Variants in COL24A1 observed in about 807,000 individuals in gnomAD.
COL24A1 encodes collagen type XXIV alpha 1 chain.
In COL24A1, 224 loss-of-function variants were observed where a neutral mutation model predicts 253.9. That is an observed-to-expected ratio of 0.88 (90% CI 0.79 to 0.99). COL24A1 has a LOEUF of 0.99. COL24A1 is among the 50% of genes least tolerant of loss of function. The probability of loss-of-function intolerance (pLI) is 0.00; values close to 1 mark genes in which losing one functional copy is unlikely to be tolerated. For missense variants in COL24A1, 2,131 were observed against 2,068.5 expected (o/e 1.03, Z -0.59); for synonymous variants, 685 against 673.7 (o/e 1.02, Z -0.26).
At chr1:86,112,770 C>T (rs11161738) in intron 4 of COL24A1, 150 bp from the exon 5 acceptor site, 93,711 of 563,852 alleles carry the variant, frequency 0.17, 8,850 homozygotes, top group South Asian at 0.24. Context: ...CTACTTACTT[C>T]AGCTTATGCC....
chr1:86,104,601 G>C (rs1704771334), intron 5 of COL24A1, among the ~76,000 whole-genome samples: 1 of 152,100 alleles, frequency 6.6e-6, no homozygotes, highest in African/African-American at 2.4e-5. Context: ...GTGATATAAG[G>C]CTGGCTCAGT....
chr1:85,798,286 C>T (rs1338044773), intron 47 of COL24A1, among the ~76,000 whole-genome samples: 1 of 151,134 alleles, frequency 6.6e-6, no homozygotes, highest in Admixed American at 6.6e-5. Context: ...GCAGATATTT[C>T]GTTTTGTTGC....
At chr1:86,043,257 C>T (rs1211206533) in intron 12 of COL24A1, among the ~76,000 whole-genome samples, 2 of 151,924 alleles carry the variant, frequency 1.3e-5, no homozygotes, top group African/African-American at 4.8e-5. Flanking sequence ...TATCGCTCTA[C>T]CTAAAATGTA....
chr1:86,075,852 G>T (rs1243028199), intron 7 of COL24A1, among the ~76,000 whole-genome samples: 1 of 152,052 alleles, frequency 6.6e-6, no homozygotes, highest in Non-Finnish European at 1.5e-5. Context: ...AGCCCTTCAT[G>T]CTAAAAACTC....
chr1:85,870,386 G>T (rs1480528471), intron 35 of COL24A1, among the ~76,000 whole-genome samples: 1 of 152,176 alleles, frequency 6.6e-6, no homozygotes, highest in African/African-American at 2.4e-5. Flanking sequence ...CAAATCAACA[G>T]AATATACATT....
intron 14 of COL24A1, among the ~76,000 whole-genome samples, chr1:86,029,640 G>A (rs77928364): frequency 0.085 from 12,543 of 146,912 alleles, 669 homozygotes; most frequent in Middle Eastern, 0.18. Flanking sequence ...TAGAGAGATG[G>A]GGTCTTGCTT....
chr1:86,023,177 A>G (rs541164029), intron 14 of COL24A1, among the ~76,000 whole-genome samples, 170 bp from the exon 15 acceptor site: 1 of 152,282 alleles, frequency 6.6e-6, no homozygotes, highest in East Asian at 1.9e-4. Context: ...AATCATACCA[A>G]TATTTCAAAC....
chr1:85,808,301 C>T (rs1273924422), intron 47 of COL24A1, among the ~76,000 whole-genome samples: 1 of 152,140 alleles, frequency 6.6e-6, no homozygotes, highest in African/African-American at 2.4e-5. Flanking sequence ...GAGCAAACAA[C>T]AAATAAACCT....
At chr1:85,815,476 G>T (rs1672967531) in intron 47 of COL24A1, among the ~76,000 whole-genome samples, 1 of 152,070 alleles carries the variant, frequency 6.6e-6, no homozygotes, top group African/African-American at 2.4e-5. Flanking sequence ...ATGCCATGAG[G>T]CTCTGATATG....
rs546424200 is a variant in COL24A1, at chr1:85,939,031, T to G, written c.2562+22218A>C. 1.1e-3 allele frequency among the ~76,000 whole-genome samples: 163 copies of G among 152,240 alleles called. 1 individual carries two copies. Among genetic ancestry groups the G allele is most frequent in the African/African-American group, 3.7e-3 (152 of 41,540 alleles). On this transcript the variant is annotated intron_variant, in intron 24 of 59. Transcript: ENST00000370571. ...CTGTAGCGAAATGCCATCTCAGCAG[T>G]TTGCCTCTAGAAAATCCAATGTGTG...
intron 47 of COL24A1, among the ~76,000 whole-genome samples, chr1:85,811,294 C>T (rs956460416): frequency 2.0e-5 from 3 of 152,124 alleles, no homozygotes; most frequent in African/African-American, 7.2e-5. Flanking sequence ...TGTAAAAATA[C>T]CTTTAATGAT....
chr1:85,922,795 A>G (rs2103021159), intron 24 of COL24A1, among the ~76,000 whole-genome samples: 1 of 152,332 alleles, frequency 6.6e-6, no homozygotes, highest in African/African-American at 2.4e-5. Flanking sequence ...TCATAATGAC[A>G]GGATCAAATT....
chr1:85,992,940 G>A (rs2390007), intron 19 of COL24A1, among the ~76,000 whole-genome samples: 70,497 of 151,520 alleles, frequency 0.47, 16,732 homozygotes, highest in East Asian at 0.6. Flanking sequence ...AAAATAGTAT[G>A]TGAAAATATG....
intron 19 of COL24A1, among the ~76,000 whole-genome samples, chr1:85,993,169 T>G (rs181630173): frequency 5.9e-5 from 9 of 152,256 alleles, no homozygotes; most frequent in Admixed American, 1.3e-4. Context: ...TCATTCTTAT[T>G]TGGCAGTAGC....
chr1:85,983,455 G>C (rs759013912), intron 20 of COL24A1, among the ~76,000 whole-genome samples: 1 of 151,872 alleles, frequency 6.6e-6, no homozygotes, highest in African/African-American at 2.4e-5. Context: ...GAGGTTTTTA[G>C]TGAACTGGCA....
At chr1:86,101,937 G>A (rs910097462) in intron 5 of COL24A1, among the ~76,000 whole-genome samples, 4 of 151,876 alleles carry the variant, frequency 2.6e-5, no homozygotes, top group African/African-American at 7.3e-5. Context: ...CAAATTTTTG[G>A]AATAGTTTCA....
chr1:85,839,008 T>G (rs757489635), intron 42 of COL24A1, among the ~76,000 whole-genome samples: 22 of 152,096 alleles, frequency 1.4e-4, no homozygotes, highest in Non-Finnish European at 2.8e-4. Flanking sequence ...GAGACCAGCC[T>G]GGGCAATAAC....
At chr1:85,940,616 T>C (rs1688667989) in intron 24 of COL24A1, among the ~76,000 whole-genome samples, 1 of 152,102 alleles carries the variant, frequency 6.6e-6, no homozygotes, top group South Asian at 2.1e-4. Context: ...TACTTTGGAG[T>C]CACAGTTCCT....
intron 7 of COL24A1, among the ~76,000 whole-genome samples, chr1:86,074,463 C>G (rs983784196): frequency 6.6e-6 from 1 of 152,124 alleles, no homozygotes; most frequent in Admixed American, 6.5e-5. Context: ...AAAGCAAGTT[C>G]TTAGAGATCT....
Sources: gnomAD v4.1 joint callset for allele counts (sites outside exome capture counted in the v4.1 genomes callset) on GRCh38, gnomAD v4.1.1 for gene constraint, MANE v1.5 for transcripts, NCBI Gene and HGNC (gene_info 2026-07-23, HGNC 2026-07-21) for gene names.